Variants in NALF1 observed in about 807,000 individuals in gnomAD.
The protein encoded by NALF1 is NALCN channel auxiliary factor 1.
Under a neutral mutation model 48.4 loss-of-function variants are expected in NALF1, and 3 were observed. The ratio of observed to expected loss-of-function variants is 0.06; its 90% CI spans 0.03 to 0.16. NALF1 has a LOEUF of 0.16. NALF1 is among the 10% of genes least tolerant of loss of function. NALF1 has a pLI of 1.00. For synonymous variants in NALF1, 262 were observed against 245.7 expected, an observed-to-expected ratio of 1.07 and a Z score of -0.62; for missense variants, 526 against 571.5, an observed-to-expected ratio of 0.92 and a Z score of 0.81.
chr13:107,285,337 G>T (rs925829428), intron 1 of NALF1, among the ~76,000 whole-genome samples: 1 of 152,336 alleles, frequency 6.6e-6, no homozygotes, highest in African/African-American at 2.4e-5. Flanking sequence ...CTGAGGAAAT[G>T]AGAAATATTC....
At chr13:107,255,047 C>A (rs2138848326) in intron 1 of NALF1, among the ~76,000 whole-genome samples, 1 of 152,260 alleles carries the variant, frequency 6.6e-6, no homozygotes, top group East Asian at 1.9e-4. Context: ...AGGGACTTTA[C>A]AAATACCCCT....
intron 1 of NALF1, among the ~76,000 whole-genome samples, chr13:107,493,750 G>A (rs530310623): frequency 2.6e-5 from 4 of 152,124 alleles, no homozygotes; most frequent in South Asian, 2.1e-4. Context: ...ATAGCAATGC[G>A]TGGTGGTGCA....
chr13:107,775,746 T>C (rs1877713592), intron 1 of NALF1, among the ~76,000 whole-genome samples: 1 of 152,134 alleles, frequency 6.6e-6, no homozygotes, highest in Admixed American at 6.5e-5. Flanking sequence ...ATGATTGCCA[T>C]TTAATGAATG....
chr13:107,204,467 C>T (rs1489035151), intron 2 of NALF1, among the ~76,000 whole-genome samples: 3 of 152,156 alleles, frequency 2.0e-5, no homozygotes, highest in African/African-American at 7.2e-5. Context: ...TAGCTACTGG[C>T]AGAATCCAGA....
chr13:107,592,396 A>T (rs1566406520), intron 1 of NALF1, among the ~76,000 whole-genome samples: 1 of 151,910 alleles, frequency 6.6e-6, no homozygotes, highest in Non-Finnish European at 1.5e-5. Flanking sequence ...TTTAAAAAAT[A>T]CCTTAAAATA....
intron 1 of NALF1, among the ~76,000 whole-genome samples, chr13:107,856,654 TA>T (rs1238163933): frequency 6.6e-6 from 1 of 151,908 alleles, no homozygotes; most frequent in African/African-American, 2.4e-5. Flanking sequence ...GGTGTTAGGC[TA>T]AAAAAAATAG....
intron 1 of NALF1, among the ~76,000 whole-genome samples, chr13:107,404,467 T>A (rs1883865977): frequency 6.6e-6 from 1 of 152,098 alleles, no homozygotes; most frequent in South Asian, 2.1e-4. Flanking sequence ...ACTGAAAGCA[T>A]TTTTAAATTA....
chr13:107,754,877 G>A (rs549481393), intron 1 of NALF1, among the ~76,000 whole-genome samples: 5 of 152,310 alleles, frequency 3.3e-5, no homozygotes, highest in African/African-American at 1.2e-4. Flanking sequence ...AAATCCTGTG[G>A]ATGGGGTAAG....
chr13:107,356,168 C>T (rs1252336303), intron 1 of NALF1, among the ~76,000 whole-genome samples: 1 of 152,144 alleles, frequency 6.6e-6, no homozygotes, highest in Non-Finnish European at 1.5e-5. Context: ...CAGAGATTTT[C>T]TGTGAATCTC....
intron 1 of NALF1, among the ~76,000 whole-genome samples, chr13:107,453,600 A>G (rs953215702): frequency 5.3e-5 from 8 of 152,100 alleles, no homozygotes. Flanking sequence ...TACCATGAAG[A>G]CTTCTGACAT....
At chr13:107,175,341 C>T (rs1421053438) in intron 2 of NALF1, among the ~76,000 whole-genome samples, 1 of 152,114 alleles carries the variant, frequency 6.6e-6, no homozygotes, top group Non-Finnish European at 1.5e-5. Context: ...GCTCTTTCTT[C>T]CATTGCATCT....
rs78234157 is a variant in NALF1 at position 107,865,332 on chromosome 13, A to G, written c.915+350T>C. Among the ~76,000 whole-genome samples, 69 of 152,286 alleles carry G rather than the reference A, an allele frequency of 4.5e-4. No homozygotes were observed. The East Asian group carries it at 0.013, about 28-fold the overall frequency. On this transcript the variant is annotated intron_variant, in intron 1 of 2. Transcript: ENST00000375915. ...CCTGTGAGCATCAGTGTGCAGTCTC[A>G]TTGCTATTTTCCTGACAAGACTTTT...
intron 1 of NALF1, among the ~76,000 whole-genome samples, chr13:107,794,948 A>G (rs1878370129): frequency 6.6e-6 from 1 of 152,194 alleles, no homozygotes; most frequent in Admixed American, 6.5e-5. Context: ...CTTTTGATGT[A>G]CTGATTACCT....
chr13:107,334,198 A>G (rs1428932126), intron 1 of NALF1, among the ~76,000 whole-genome samples: 1 of 152,212 alleles, frequency 6.6e-6, no homozygotes, highest in Non-Finnish European at 1.5e-5. Flanking sequence ...TGGTAGTAAT[A>G]GTCTAAAGAT....
At chr13:107,473,492 A>G (rs1885132380) in intron 1 of NALF1, among the ~76,000 whole-genome samples, 1 of 152,210 alleles carries the variant, frequency 6.6e-6, no homozygotes, top group Non-Finnish European at 1.5e-5. Context: ...CACCCAAGAT[A>G]CAGTTATATT....
At chr13:107,394,424 AT>A (rs1415342015) in intron 1 of NALF1, among the ~76,000 whole-genome samples, 1 of 152,112 alleles carries the variant, frequency 6.6e-6, no homozygotes, top group Admixed American at 6.6e-5. Flanking sequence ...TGACTATATA[AT>A]TTATCCTTCA....
chr13:107,520,786 C>A lies in NALF1; in HGVS notation c.916-310031G>T, dbSNP rs530664103. On this transcript the variant is annotated intron_variant, in intron 1 of 2. Transcript: ENST00000375915. ...CTAAATGCTGGCAGGGTGCCCCAGT[C>A]TTCTAGAATGCTTCCCCGCATATTT... Among the ~76,000 whole-genome samples, 4 of 152,280 alleles carry A rather than the reference C, an allele frequency of 2.6e-5. No individual in the cohort carries two copies. The East Asian group carries it at 7.7e-4, about 30-fold the overall frequency.
At chr13:107,401,964 C>T (rs1414247252) in intron 1 of NALF1, among the ~76,000 whole-genome samples, 2 of 152,156 alleles carry the variant, frequency 1.3e-5, no homozygotes, top group Non-Finnish European at 2.9e-5. Context: ...AGTCACTTTA[C>T]TCTCCAAATC....
intron 1 of NALF1, among the ~76,000 whole-genome samples, chr13:107,447,683 A>G (rs558947095): frequency 1.8e-4 from 24 of 131,510 alleles, no homozygotes; most frequent in South Asian, 4.8e-4. Context: ...TCACTGATCC[A>G]AAGAACAGGA....
Sources: gnomAD v4.1 joint callset for allele counts (sites outside exome capture counted in the v4.1 genomes callset) on GRCh38, gnomAD v4.1.1 for gene constraint, MANE v1.5 for transcripts, NCBI Gene and HGNC (gene_info 2026-07-23, HGNC 2026-07-21) for gene names.